The following OR6N1 variants were observed in gnomAD, a reference collection of about 807,000 sequenced individuals.
OR6N1 encodes the protein olfactory receptor 6N1.
For missense variants in OR6N1, 394 were observed against 371.7 expected, an observed-to-expected ratio of 1.06 and a Z score of -0.49; for synonymous variants, 170 against 150.7, an observed-to-expected ratio of 1.13 and a Z score of -0.94.
the OR6N1 span, among the ~76,000 whole-genome samples, chr1:158,805,629 T>A: frequency 3.9e-5 from 6 of 152,044 alleles, no homozygotes; most frequent in Non-Finnish European, 7.4e-5. Context: ...CTGAACTTTA[T>A]GTTCTAAAGG....
chr1:158,786,399 A>G, the OR6N1 span, among the ~76,000 whole-genome samples: 1 of 152,232 alleles, frequency 6.6e-6, no homozygotes, highest in Non-Finnish European at 1.5e-5. Context: ...TGCTGACAGG[A>G]ATGTAAAGTA....
At chr1:158,825,511 A>C in the OR6N1 span, among the ~76,000 whole-genome samples, 1 of 152,274 alleles carries the variant, frequency 6.6e-6, no homozygotes, top group African/African-American at 2.4e-5. Flanking sequence ...ACCAACAAGC[A>C]TATGAAAAAA....
chr1:158,782,366 A>G, the OR6N1 span, among the ~76,000 whole-genome samples: 1 of 152,152 alleles, frequency 6.6e-6, no homozygotes. Flanking sequence ...TCACAGCCTT[A>G]TTTTCTTTAC....
At chr1:158,805,073 T>C in the OR6N1 span, among the ~76,000 whole-genome samples, 1 of 152,270 alleles carries the variant, frequency 6.6e-6, no homozygotes, top group African/African-American at 2.4e-5. Context: ...AAAACAACTA[T>C]GTAAATGAAG....
chr1:158,782,626 C>T, the OR6N1 span, among the ~76,000 whole-genome samples: 1 of 152,148 alleles, frequency 6.6e-6, no homozygotes, highest in African/African-American at 2.4e-5. Context: ...GCTAAGCTTG[C>T]TCTGGATTTG....
At chr1:158,824,139 G>A in the OR6N1 span, among the ~76,000 whole-genome samples, 1 of 152,020 alleles carries the variant, frequency 6.6e-6, no homozygotes, top group African/African-American at 2.4e-5. Context: ...CCCATGTGTT[G>A]TGGGAACTGG....
the OR6N1 span, among the ~76,000 whole-genome samples, chr1:158,801,307 C>T: frequency 2.6e-5 from 4 of 151,874 alleles, no homozygotes. Context: ...TTTTTTCCCA[C>T]CCACCTTGCC....
chr1:158,813,920 G>A, the OR6N1 span, among the ~76,000 whole-genome samples: 3 of 151,784 alleles, frequency 2.0e-5, no homozygotes, highest in Middle Eastern at 3.2e-3. Context: ...GGCTGGTCTC[G>A]AATTCCTGGG....
the OR6N1 span, among the ~76,000 whole-genome samples, chr1:158,822,613 G>T: frequency 3.3e-5 from 5 of 152,200 alleles, no homozygotes; most frequent in Non-Finnish European, 7.4e-5. Flanking sequence ...CAAAGACAAA[G>T]ACTGTGTGGT....
the OR6N1 span, among the ~76,000 whole-genome samples, chr1:158,803,006 G>A: frequency 1.3e-5 from 2 of 152,176 alleles, no homozygotes; most frequent in East Asian, 3.9e-4. Flanking sequence ...TTATCTATCA[G>A]AAGTAAGGTA....
intron 1 of OR6N1, among the ~76,000 whole-genome samples, chr1:158,769,350 G>C (rs1385984394): frequency 6.6e-6 from 1 of 152,072 alleles, no homozygotes; most frequent in African/African-American, 2.4e-5. Flanking sequence ...TTTTGGTAGA[G>C]ATGGGGTTTA....
the OR6N1 span, among the ~76,000 whole-genome samples, chr1:158,829,140 G>A: frequency 1.5e-3 from 234 of 152,244 alleles, no homozygotes; most frequent in Non-Finnish European, 1.9e-3. Context: ...TCCCTGACAC[G>A]CCCTGGAGAT....
At chr1:158,788,999 A>G in the OR6N1 span, among the ~76,000 whole-genome samples, 1 of 152,082 alleles carries the variant, frequency 6.6e-6, no homozygotes, top group Admixed American at 6.5e-5. Context: ...AATAAACTTT[A>G]TTTCCTTCAC....
chr1:158,795,178 G>C, the OR6N1 span, among the ~76,000 whole-genome samples: 11 of 152,274 alleles, frequency 7.2e-5, no homozygotes, highest in East Asian at 2.1e-3. Flanking sequence ...AGGCAGGGGG[G>C]TGTAGTAAGT....
chr1:158,801,988 C>G, the OR6N1 span, among the ~76,000 whole-genome samples: 2 of 152,118 alleles, frequency 1.3e-5, no homozygotes, highest in Admixed American at 6.5e-5. Flanking sequence ...GCTGACCTCC[C>G]AGGGGCTCCT....
the OR6N1 span, among the ~76,000 whole-genome samples, chr1:158,833,183 C>G: frequency 1.3e-5 from 2 of 152,102 alleles, no homozygotes; most frequent in Non-Finnish European, 2.9e-5. Context: ...TTTGCTTGAT[C>G]TTTCTTCCCT....
chr1:158,833,813 T>C, the OR6N1 span, among the ~76,000 whole-genome samples: 1 of 152,226 alleles, frequency 6.6e-6, no homozygotes, highest in Non-Finnish European at 1.5e-5. Flanking sequence ...AATGAACATA[T>C]ATGTACATGC....
the OR6N1 span, among the ~76,000 whole-genome samples, chr1:158,798,215 T>C: frequency 6.6e-6 from 1 of 151,704 alleles, no homozygotes; most frequent in East Asian, 1.9e-4. Flanking sequence ...TATTAGTATA[T>C]CATTTTTGTC....
chr1:158,805,933 C>T, the OR6N1 span, among the ~76,000 whole-genome samples: 1 of 152,096 alleles, frequency 6.6e-6, no homozygotes, highest in Admixed American at 6.5e-5. Flanking sequence ...GGTAAGTCCC[C>T]CATGTTCACT....
Sources: gnomAD v4.1 joint callset for allele counts (sites outside exome capture counted in the v4.1 genomes callset) on GRCh38, gnomAD v4.1.1 for gene constraint, MANE v1.5 for transcripts, NCBI Gene and HGNC (gene_info 2026-07-23, HGNC 2026-07-21) for gene names.